The following CCM2L variants were observed in gnomAD, a reference collection of about 807,000 sequenced individuals.
CCM2L encodes the protein CCM2 like scaffold protein, also known as cerebral cavernous malformations 2 protein-like.
A neutral mutation model predicts 54.1 loss-of-function variants in CCM2L; 36 were observed. The observed-to-expected ratio is 0.67, with a 90% CI of 0.51 to 0.88. CCM2L has a LOEUF of 0.88. Ranked by LOEUF, CCM2L falls within the 40% of genes least tolerant of loss-of-function variation. The pLI, the probability that CCM2L is intolerant of heterozygous loss-of-function variation, is 0.00. For synonymous variants in CCM2L, 351 were observed against 359.3 expected, an observed-to-expected ratio of 0.98 and a Z score of 0.26; for missense variants, 700 against 812.1, an observed-to-expected ratio of 0.86 and a Z score of 1.68.
At position 32,019,243 on chromosome 20, in the gene CCM2L, G is replaced by A. The variant is rs2064777317; in HGVS notation, c.767G>A (p.Gly256Asp). 13 of 1,185,680 alleles carry A rather than the reference G, an allele frequency of 1.1e-5. No individual in the cohort carries two copies. The highest frequency in any genetic ancestry group is 1.4e-5 in the Non-Finnish European group (13 of 949,882). The allele number at this position is 1,185,680 out of a possible 1,614,324, so 73.4% of individuals were successfully genotyped here. A position where few individuals can be genotyped will look rare whatever the true frequency, so the allele number is the denominator to read the frequency against. ...GAGCGGCGGCACGGAGGCGGCGGCG[G>A]CGGCGGCGGCGCGGGAAAGCCGGGC... ...SWERRHGGGG[G>D]GGGAGKPGGS... The change falls in exon 5 of 10, where the codon GGC (glycine) becomes GAC (aspartate). Residue 256 changes from glycine (G) to aspartate (D), a missense_variant. Gly to Asp is a moderately conservative substitution (Grantham distance 94). Coordinates refer to ENST00000452892, the MANE Select transcript of CCM2L (RefSeq NM_001365692.1).
rs571435366 is a variant in CCM2L, at chr20:32,019,103, G to A, written c.627G>A (p.Gly209=). The change falls in exon 5 of 10, where the codon GGG becomes GGA. Residue 209 remains glycine (G), a synonymous_variant. Coordinates refer to ENST00000452892, the MANE Select transcript of CCM2L (RefSeq NM_001365692.1). ...TGGACTGGCGGATGGGGTGGGGTGG[G>A]GGCGCCGCGGAGGCCCGGGCCGGGG... The part of the protein sequence containing the change: ...CSLDWRMGWG[G]GAAEARAGGG... 3 of 1,180,886 alleles carry A rather than the reference G, an allele frequency of 2.5e-6. No homozygotes were observed. The highest frequency in any genetic ancestry group is 9.1e-5 in the Admixed American group (2 of 21,924). 73.2% of individuals were successfully genotyped at this position (1,180,886 alleles called of 1,614,324 possible).
chr20:32,021,558 AGGT>A (rs1270996346), intron 5 of CCM2L, among the ~76,000 whole-genome samples: 3 of 152,042 alleles, frequency 2.0e-5, no homozygotes, highest in Non-Finnish European at 4.4e-5. Context: ...CAGGAGGCTG[AGGT>A]GGGAGGATCA....
In CCM2L at chr20:32,019,153, G is replaced by A; in HGVS notation, c.677G>A (p.Arg226His). The A allele has an allele frequency of 8.9e-7, 1 of 1,120,790 alleles. No homozygotes were observed. The highest frequency in any genetic ancestry group is 1.1e-6 in the Non-Finnish European group (1 of 912,168). 69.4% of individuals were successfully genotyped at this position (1,120,790 alleles called of 1,614,324 possible). The change falls in exon 5 of 10, where the codon CGC becomes CAC. Residue 226 changes from arginine (R) to histidine (H), a missense_variant. Coordinates refer to ENST00000452892, the MANE Select transcript of CCM2L (RefSeq NM_001365692.1). ...GGAGGCGGCGGCGGCAGCTTGGAGC[G>A]CCAGCGCGCCGGGGCGCGGGCGTCG... ...AGGGGGGSLE[R>H]QRAGARASGS...
chr20:32,017,887 A>T lies in CCM2L; in HGVS notation c.282+4A>T, dbSNP rs752208617. 1 of 1,613,650 alleles carries T rather than the reference A, an allele frequency of 6.2e-7. No individual in the cohort carries two copies. The highest frequency in any genetic ancestry group is 1.1e-5 in the South Asian group (1 of 91,054). ...GCAGCTGCTAGACACCGCCAGGGTG[A>T]GACTCTGGGGAGGGAGGAGGGCAGG... On this transcript the variant is annotated splice_donor_region_variant and intron_variant, in intron 3 of 9. Coordinates refer to ENST00000452892, the MANE Select transcript of CCM2L (RefSeq NM_001365692.1).
At chr20:32,012,454 A>G (rs576097027) in intron 1 of CCM2L, among the ~76,000 whole-genome samples, 2 of 152,250 alleles carry the variant, frequency 1.3e-5, no homozygotes, top group African/African-American at 4.8e-5. Flanking sequence ...AGCTACTGTG[A>G]GGCAGAGGTG....
intron 4 of CCM2L, 33 bp downstream of exon 4, chr20:32,018,195 GC>G: frequency 1.8e-5 from 4 of 220,478 alleles, no homozygotes; most frequent in South Asian, 7.8e-5. Context: ...CGGGGGAGGG[GC>G]GGGGGCGGGG....
chr20:32,027,158 G>A (rs548327916), intron 7 of CCM2L, among the ~76,000 whole-genome samples: 70 of 152,360 alleles, frequency 4.6e-4, no homozygotes, highest in Non-Finnish European at 8.1e-4. Context: ...GGGATTTTCA[G>A]TGCTAAAACC....
Position 32,022,750 on chromosome 20 carries a change from T to C in CCM2L, c.1024T>C (p.Tyr342His). 3.1e-6 allele frequency: 5 copies of C among 1,613,706 alleles called. No individual in the cohort carries two copies. Among genetic ancestry groups the C allele is most frequent in the Non-Finnish European group, 3.4e-6 (4 of 1,180,014 alleles). Residue 342 changes from tyrosine (Y) to histidine (H), a missense_variant, in exon 6 of 10, where the codon TAC becomes CAC. By Grantham distance (83) the Tyr-to-His change is moderately conservative (BLOSUM62 2). Coordinates refer to ENST00000452892, the MANE Select transcript of CCM2L (RefSeq NM_001365692.1). ...TATTGAGTGTGTGGACCGGGCTGGC[T>C]ACCACTACACATCCACACCTGAACG... ...QSIECVDRAG[Y>H]HYTSTPERPW...
In CCM2L at chr20:32,031,319, C is replaced by T. The variant is rs1414550564; in HGVS notation, c.*5C>T. 6 of 1,265,108 alleles carry T rather than the reference C, an allele frequency of 4.7e-6. No homozygotes were observed. Among genetic ancestry groups the T allele is most frequent in the Non-Finnish European group, 5.1e-6 (5 of 976,730 alleles). 78.4% of individuals were successfully genotyped at this position (1,265,108 alleles called of 1,614,324 possible). A position where few individuals can be genotyped will look rare whatever the true frequency, so the allele number is the denominator to read the frequency against. On this transcript the variant is annotated 3_prime_UTR_variant, in exon 10 of 10. Transcript: ENST00000452892. Reference sequence around the variant, plus strand: ...GCAGAAGACAACTACCTGTAGCCACCGCCCCTGCGGACGGCGTGGCTCAGC... The same window carrying T: ...GCAGAAGACAACTACCTGTAGCCACTGCCCCTGCGGACGGCGTGGCTCAGC...
chr20:32,015,181 C>T, intron 2 of CCM2L, 110 bp downstream of exon 2: 1 of 1,169,068 alleles, frequency 8.6e-7, no homozygotes, highest in East Asian at 2.9e-5. Context: ...AGTTGTGGCT[C>T]ATTGGAAAGA....
In CCM2L at chr20:32,019,007, C is replaced by A; in HGVS notation, c.531C>A (p.Pro177=). ...GCCCAGGCGGCGCAGGACGCGACCC[C>A]GGCCCGCCAGGCGGGGCGCCCGAGA... The part of the protein sequence containing the change: ...DASPGGAGRD[P]GPPGGAPEKR... Residue 177 remains proline (P), a synonymous_variant, in exon 5 of 10, where the codon CCC becomes CCA. Transcript: ENST00000452892. The A allele has an allele frequency of 7.4e-7, 1 of 1,343,596 alleles. No homozygotes were observed. The highest frequency in any genetic ancestry group is 4.0e-5 in the Admixed American group (1 of 25,248). 83.2% of individuals were successfully genotyped at this position (1,343,596 alleles called of 1,614,324 possible).
At position 32,022,684 on chromosome 20, in the gene CCM2L, C is replaced by T; in HGVS notation, c.958C>T (p.Leu320Phe). Residue 320 changes from leucine to phenylalanine, a missense_variant, in exon 6 of 10, where the codon CTC (leucine) becomes TTC (phenylalanine). Leu to Phe is a conservative substitution (Grantham distance 22, BLOSUM62 0). Coordinates refer to ENST00000452892, the MANE Select transcript of CCM2L (RefSeq NM_001365692.1). ...NRDAAEESCALICQVFQIIYG... is the reference protein window; with the variant it reads ...NRDAAEESCAFICQVFQIIYG... ...GGACGCTGCAGAGGAGTCCTGCGCA[C>T]TCATCTGTCAGGTCTTCCAGATCAT... is the stretch of plus-strand genomic sequence containing the variant. 6.2e-7 allele frequency: 1 copy of T among 1,614,228 alleles called. No homozygotes were observed. Among genetic ancestry groups the T allele is most frequent in the Non-Finnish European group, 8.5e-7 (1 of 1,180,036 alleles).
In CCM2L at chr20:32,015,008, T is replaced by TC. The variant is rs769673764; in HGVS notation, c.141dup (p.Asp48ArgfsTer12). ...GGCCCCTGCACTCGATGCCCCTTTA[T>TC]CCCCCCGACTACCTCATCGACCCCC... On this transcript the variant is annotated frameshift_variant, in exon 2 of 10. Coordinates refer to ENST00000452892, the MANE Select transcript of CCM2L (RefSeq NM_001365692.1). LOFTEE classifies it high-confidence loss of function. 6.4e-7 allele frequency: 1 copy of TC among 1,573,174 alleles called. No homozygotes were observed. Among genetic ancestry groups the TC allele is most frequent in the South Asian group, 1.2e-5 (1 of 86,794 alleles).
intron 2 of CCM2L, among the ~76,000 whole-genome samples, chr20:32,017,459 G>A (rs1176877644): frequency 6.6e-6 from 1 of 152,188 alleles, no homozygotes; most frequent in East Asian, 1.9e-4. Flanking sequence ...AGATGACTAT[G>A]TGTTAAGGCA....
At chr20:32,023,089 C>T (rs1489328278) in intron 6 of CCM2L, among the ~76,000 whole-genome samples, 1 of 152,168 alleles carries the variant, frequency 6.6e-6, no homozygotes, top group Non-Finnish European at 1.5e-5. Flanking sequence ...GCCTCAGTCT[C>T]CCGAGTAGCT....
chr20:32,024,368 T>A (rs2064834565), intron 6 of CCM2L, among the ~76,000 whole-genome samples: 1 of 152,214 alleles, frequency 6.6e-6, no homozygotes, highest in African/African-American at 2.4e-5. Flanking sequence ...CAACAAATAT[T>A]TCAACAAATT....
chr20:32,014,899 C>A lies in CCM2L; in HGVS notation c.31-5C>A. 1 of 1,596,580 alleles carries A rather than the reference C, an allele frequency of 6.3e-7. No individual in the cohort carries two copies. Among genetic ancestry groups the A allele is most frequent in the Non-Finnish European group, 8.5e-7 (1 of 1,172,070 alleles). On this transcript the variant is annotated splice_polypyrimidine_tract_variant and splice_region_variant and intron_variant, in intron 1 of 9. Transcript: ENST00000452892. ...TATCACTCTCATTCCTCCTCTCCTC[C>A]CCAGGGCTTTGTATCCCCCATCCGA... is the stretch of plus-strand genomic sequence containing the variant.
rs762569054 is a variant in CCM2L, at chr20:32,031,011, C to T, written c.1413C>T (p.Pro471=). The T allele has an allele frequency of 1.1e-4, 137 of 1,304,050 alleles. No homozygotes were observed. The highest frequency in any genetic ancestry group is 1.3e-4 in the Non-Finnish European group (133 of 988,924). The allele number at this position is 1,304,050 out of a possible 1,614,324, so 80.8% of individuals were successfully genotyped here. A position where few individuals can be genotyped will look rare whatever the true frequency, so the allele number is the denominator to read the frequency against. ...CCCCTCGGCTCGCAGGGATGCGGCC[C>T]TTCATCCCGGACCAGGACATCGGCT... ...RRKFLLLGMR[P]FIPDQDIGYF... is the part of the protein sequence containing the mutation. The change falls in exon 10 of 10, where the codon CCC becomes CCT. Residue 471 remains proline (P), a synonymous_variant. Transcript: ENST00000452892.
Position 32,031,395 on chromosome 20 carries a change from C to T in CCM2L, c.*81C>T, listed in dbSNP as rs1362965028. On this transcript the variant is annotated 3_prime_UTR_variant, in exon 10 of 10. Coordinates refer to ENST00000452892, the MANE Select transcript of CCM2L (RefSeq NM_001365692.1). Reference sequence around the variant, plus strand: ...CTTCGGGGACCCTATCCCCAGGGCCCCCCCATCACACCTGGCGGGGCCGGG... The same window carrying T: ...CTTCGGGGACCCTATCCCCAGGGCCTCCCCATCACACCTGGCGGGGCCGGG... 1.7e-6 allele frequency: 2 copies of T among 1,147,800 alleles called. No homozygotes were observed. The highest frequency in any genetic ancestry group is 1.1e-6 in the Non-Finnish European group (1 of 901,554). The allele number at this position is 1,147,800 out of a possible 1,614,324, so 71.1% of individuals were successfully genotyped here.
Sources: gnomAD v4.1 joint callset for allele counts (sites outside exome capture counted in the v4.1 genomes callset) on GRCh38, gnomAD v4.1.1 for gene constraint, MANE v1.5 for transcripts, NCBI Gene and HGNC (gene_info 2026-07-23, HGNC 2026-07-21) for gene names.